The following KIF6 variants were observed in gnomAD, a reference collection of about 807,000 sequenced individuals.
The protein encoded by KIF6 is kinesin family member 6.
In KIF6, 106 loss-of-function variants were observed where a neutral mutation model predicts 112.7. The observed-to-expected ratio is 0.94, with a 90% CI of 0.80 to 1.11. The LOEUF (loss-of-function observed/expected upper bound fraction) is 1.11. KIF6 is among the 50% of genes least tolerant of loss of function. The pLI is 0.00. For missense variants in KIF6, 929 were observed against 964.0 expected, an observed-to-expected ratio of 0.96 and a Z score of 0.48; for synonymous variants, 339 against 339.9, an observed-to-expected ratio of 1.00 and a Z score of 0.03.
rs1277498732 is a variant in KIF6 at position 39,456,355 on chromosome 6, G to A, written c.1646-25194C>T. ...TGTCACCGCCAGGCCTGCCCTAAAA[G>A]AGCTCCTGAAGGAAGCGCTAAACAT... is the stretch of plus-strand genomic sequence containing the variant. On this transcript the variant is annotated intron_variant, in intron 13 of 22. Transcript: ENST00000287152. Among the ~76,000 whole-genome samples the A allele has an allele frequency of 4.8e-3, 612 of 126,478 alleles. 12 individuals carry two copies. Among genetic ancestry groups the A allele is most frequent in the African/African-American group, 0.018 (584 of 32,632 alleles). 83.0% of individuals were successfully genotyped at this position (126,478 alleles called of 152,430 possible).
At chr6:39,358,073 A>T (rs1435629592) in intron 18 of KIF6, among the ~76,000 whole-genome samples, 1 of 152,230 alleles carries the variant, frequency 6.6e-6, no homozygotes, top group African/African-American at 2.4e-5. Flanking sequence ...TCCACCGAGC[A>T]CTTTGTGTAG....
intron 5 of KIF6, among the ~76,000 whole-genome samples, chr6:39,628,768 C>A (rs958850327): frequency 1.3e-5 from 2 of 151,996 alleles, no homozygotes; most frequent in Non-Finnish European, 2.9e-5. Context: ...CATGTGCCCA[C>A]CATTACAGTA....
intron 5 of KIF6, among the ~76,000 whole-genome samples, chr6:39,614,551 T>C (rs941054617): frequency 6.6e-6 from 1 of 152,208 alleles, no homozygotes; most frequent in African/African-American, 2.4e-5. Context: ...AAAATCCTAA[T>C]GGCAGGAAGA....
At chr6:39,373,262 T>C (rs922264341) in intron 16 of KIF6, among the ~76,000 whole-genome samples, 1 of 152,194 alleles carries the variant, frequency 6.6e-6, no homozygotes, top group Non-Finnish European at 1.5e-5. Context: ...CTTAAAGGAA[T>C]AGACAGCCCC....
At position 39,335,595 on chromosome 6, in the gene KIF6, T is replaced by C. The variant is rs1762884757; in HGVS notation, c.*937A>G. 6.6e-6 allele frequency: 1 copy of C among 152,120 alleles called. No homozygotes were observed. Among genetic ancestry groups the C allele is most frequent in the Non-Finnish European group, 1.5e-5 (1 of 68,042 alleles). The allele number at this position is 152,120 out of a possible 1,614,324, so 9.4% of individuals were successfully genotyped here. On this transcript the variant is annotated 3_prime_UTR_variant, in exon 23 of 23. Transcript: ENST00000287152. ...GGTGCCACTCCTGCTCACCCTCCGCTGCCCCTCCCTGGCTGCAGCTGGGTT... is the reference window on the plus strand; with the variant it reads ...GGTGCCACTCCTGCTCACCCTCCGCCGCCCCTCCCTGGCTGCAGCTGGGTT...
intron 1 of KIF6, 120 bp from the exon 2 acceptor site, chr6:39,720,931 TATC>T: frequency 1.7e-6 from 1 of 591,432 alleles, no homozygotes; most frequent in Non-Finnish European, 3.0e-6. Flanking sequence ...AAAGTCATAA[TATC>T]ATATAATTTG....
chr6:39,373,399 A>G (rs1246385284), intron 16 of KIF6, among the ~76,000 whole-genome samples: 2 of 152,220 alleles, frequency 1.3e-5, no homozygotes, highest in East Asian at 1.9e-4. Context: ...GCCCAGAGCC[A>G]TGGTCAGCTC....
chr6:39,416,854 C>T (rs1017767603), intron 15 of KIF6, among the ~76,000 whole-genome samples: 7 of 152,202 alleles, frequency 4.6e-5, no homozygotes, highest in African/African-American at 1.7e-4. Context: ...TTCACAAATA[C>T]AGCTTTTGTT....
At chr6:39,517,069 C>T (rs1031359000) in intron 13 of KIF6, among the ~76,000 whole-genome samples, 1 of 152,116 alleles carries the variant, frequency 6.6e-6, no homozygotes, top group African/African-American at 2.4e-5. Flanking sequence ...CTCTAGGAAA[C>T]GGGCATCCAT....
intron 13 of KIF6, among the ~76,000 whole-genome samples, chr6:39,453,613 C>T (rs1306729439): frequency 3.9e-5 from 6 of 152,142 alleles, no homozygotes; most frequent in Admixed American, 3.9e-4. Context: ...GTTCCCCAAA[C>T]CCTAAAATAA....
intron 15 of KIF6, among the ~76,000 whole-genome samples, chr6:39,388,587 C>T (rs532542713): frequency 2.0e-5 from 3 of 152,214 alleles, no homozygotes; most frequent in South Asian, 4.1e-4. Flanking sequence ...ATGGCTGATA[C>T]CTAATTGCAT....
intron 6 of KIF6, among the ~76,000 whole-genome samples, chr6:39,604,274 T>C (rs764588117): frequency 2.0e-5 from 3 of 152,160 alleles, no homozygotes; most frequent in Non-Finnish European, 4.4e-5. Context: ...CTGTTACCTA[T>C]TGGTTAAGTG....
chr6:39,672,155 T>C (rs1786853038), intron 3 of KIF6, among the ~76,000 whole-genome samples: 1 of 152,184 alleles, frequency 6.6e-6, no homozygotes, highest in Non-Finnish European at 1.5e-5. Flanking sequence ...GAAGTTGACT[T>C]TTTTATTTTA....
At chr6:39,629,442 C>A (rs1004146036) in intron 5 of KIF6, among the ~76,000 whole-genome samples, 1 of 152,004 alleles carries the variant, frequency 6.6e-6, no homozygotes, top group Non-Finnish European at 1.5e-5. Context: ...TCTTTTCATA[C>A]GCTATTTGCC....
rs969874356 is a variant in KIF6, at chr6:39,346,655, CTTTTTTTT to C, written c.2181-137_2181-130del. 1.3e-5 allele frequency: 7 copies of C among 531,150 alleles called. No homozygotes were observed. The African/African-American group carries it at 1.4e-4, about 10-fold the overall frequency. 32.9% of individuals were successfully genotyped at this position (531,150 alleles called of 1,614,324 possible). On this transcript the variant is annotated intron_variant, in intron 19 of 22. Transcript: ENST00000287152. Reference sequence around the variant, plus strand: ...GTTTACACAGTAATTTTCTTTTTTTCTTTTTTTTTGAGATGGAGTTTCACTCTTGTTGC... The same window carrying C: ...GTTTACACAGTAATTTTCTTTTTTTCTGAGATGGAGTTTCACTCTTGTTGC...
At chr6:39,540,712 C>T (rs750353008) in intron 12 of KIF6, among the ~76,000 whole-genome samples, 16 of 152,198 alleles carry the variant, frequency 1.1e-4, no homozygotes, top group Non-Finnish European at 1.6e-4. Context: ...GCGGCCGGTG[C>T]GGTGACAAAG....
chr6:39,634,811 AG>A (rs770864043), intron 5 of KIF6, 37 bp downstream of exon 5: 4 of 1,169,398 alleles, frequency 3.4e-6, no homozygotes, highest in Non-Finnish European at 5.2e-6. Flanking sequence ...AACATCTGAA[AG>A]TAATTTCCCT....
chr6:39,709,332 C>T (rs1789397378), intron 3 of KIF6, among the ~76,000 whole-genome samples: 1 of 152,134 alleles, frequency 6.6e-6, no homozygotes, highest in African/African-American at 2.4e-5. Flanking sequence ...ACTGTTCCGC[C>T]CCAGATCATC....
chr6:39,524,788 CT>C (rs1777610371), intron 13 of KIF6, among the ~76,000 whole-genome samples: 1 of 152,214 alleles, frequency 6.6e-6, no homozygotes, highest in African/African-American at 2.4e-5. Flanking sequence ...TGCTCCTGTC[CT>C]CTCACTTCCA....
Sources: gnomAD v4.1 joint callset for allele counts (sites outside exome capture counted in the v4.1 genomes callset) on GRCh38, gnomAD v4.1.1 for gene constraint, MANE v1.5 for transcripts, NCBI Gene and HGNC (gene_info 2026-07-23, HGNC 2026-07-21) for gene names.